UVRAG: variants seen among roughly 807,000 people sequenced by gnomAD.
UVRAG encodes the protein UV radiation resistance-associated gene protein.
UVRAG carries 19 observed loss-of-function variants against 78.0 expected under a neutral mutation model. That is an observed-to-expected ratio of 0.24 (90% CI 0.17 to 0.36). UVRAG has a LOEUF of 0.36. Among genes scored for constraint, UVRAG ranks in the 10% least tolerant of loss-of-function variants. The pLI is 1.00. For synonymous variants in UVRAG, 323 were observed against 324.6 expected (o/e 1.00, Z 0.05); for missense variants, 740 against 853.8 (o/e 0.87, Z 1.66).
intron 10 of UVRAG, among the ~76,000 whole-genome samples, chr11:76,008,283 G>A (rs1446407882): frequency 2.0e-5 from 3 of 152,138 alleles, no homozygotes; most frequent in East Asian, 3.8e-4. Context: ...TAATTTTCAT[G>A]TATTAGTGTT....
intron 6 of UVRAG, among the ~76,000 whole-genome samples, chr11:75,932,002 G>A (rs918107385): frequency 1.3e-5 from 2 of 151,820 alleles, no homozygotes; most frequent in African/African-American, 4.9e-5. Context: ...AAGAATCAAG[G>A]TCCAGTGGTC....
intron 14 of UVRAG, among the ~76,000 whole-genome samples, chr11:76,124,016 G>A (rs568512504): frequency 1.3e-4 from 19 of 151,694 alleles, no homozygotes; most frequent in African/African-American, 3.9e-4. Flanking sequence ...CACCCGCCTC[G>A]GCCTCCCAAA....
rs958653979 is a variant in UVRAG, at chr11:75,815,260, A to G, written c.-148A>G. The stretch of plus-strand genomic sequence containing the variant: ...CGGCGGCAACGGCGGCAGCGGCGGC[A>G]GCGGCGGCGGCTACTGTCTGGGCTG... On this transcript the variant is annotated 5_prime_UTR_variant, in exon 1 of 15. Transcript: ENST00000356136. The G allele has an allele frequency of 6.4e-6, 3 of 466,698 alleles. No homozygotes were observed. Among genetic ancestry groups the G allele is most frequent in the African/African-American group, 2.0e-5 (1 of 48,998 alleles). 28.9% of individuals were successfully genotyped at this position (466,698 alleles called of 1,614,324 possible). A position where few individuals can be genotyped will look rare whatever the true frequency, so the allele number is the denominator to read the frequency against.
intron 8 of UVRAG, among the ~76,000 whole-genome samples, chr11:75,994,829 GAGGTGTT>G (rs1949674352): frequency 6.6e-6 from 1 of 152,190 alleles, no homozygotes; most frequent in African/African-American, 2.4e-5. Context: ...TTTGGCCTGT[GAGGTGTT>G]AGCTAGAGAA....
intron 6 of UVRAG, among the ~76,000 whole-genome samples, chr11:75,946,837 G>T (rs553685103): frequency 6.6e-6 from 1 of 152,144 alleles, no homozygotes; most frequent in Non-Finnish European, 1.5e-5. Context: ...CAGACCTACC[G>T]TCTGTATTAG....
rs1952080605 is a variant in UVRAG, at chr11:76,112,083, C to T, written c.1306-3841C>T. 2.6e-5 allele frequency among the ~76,000 whole-genome samples: 4 copies of T among 151,432 alleles called. No homozygotes were observed. The South Asian group carries it at 8.4e-4, about 32-fold the overall frequency. On this transcript the variant is annotated intron_variant, in intron 13 of 14. Transcript: ENST00000356136. ...TGAAAGGATGTACTAAGTGCTTGGC[C>T]CAGGGAATGAAAACAGACTGAAAAT...
intron 14 of UVRAG, chr11:76,137,579 T>C (rs1736593434): frequency 2.5e-6 from 1 of 402,652 alleles, no homozygotes; most frequent in East Asian, 7.1e-5. Context: ...TCTCCAAAAA[T>C]AACTAATTTC....
chr11:76,080,011 A>G (rs541228457), intron 13 of UVRAG, among the ~76,000 whole-genome samples: 17 of 152,284 alleles, frequency 1.1e-4, no homozygotes, highest in South Asian at 4.1e-4. Flanking sequence ...TCAAGCAAGC[A>G]TCAACCCATG....
At chr11:75,838,630 G>T (rs1945839181) in intron 1 of UVRAG, among the ~76,000 whole-genome samples, 1 of 152,184 alleles carries the variant, frequency 6.6e-6, no homozygotes, top group Non-Finnish European at 1.5e-5. Flanking sequence ...TGGGATTACA[G>T]GTATGGGCCA....
chr11:76,124,453 G>T (rs1299112126), intron 14 of UVRAG, among the ~76,000 whole-genome samples: 1 of 152,116 alleles, frequency 6.6e-6, no homozygotes, highest in Non-Finnish European at 1.5e-5. Context: ...TACAACCTGA[G>T]GCCCATCATT....
chr11:75,966,249 T>G (rs1284604301), intron 7 of UVRAG, among the ~76,000 whole-genome samples: 1 of 152,144 alleles, frequency 6.6e-6, no homozygotes, highest in Non-Finnish European at 1.5e-5. Flanking sequence ...GTTGGATTTA[T>G]TCTTATAAAT....
chr11:75,978,527 T>C (rs905152626), intron 7 of UVRAG, among the ~76,000 whole-genome samples: 3 of 152,236 alleles, frequency 2.0e-5, no homozygotes, highest in Non-Finnish European at 2.9e-5. Context: ...GATTTGGTCT[T>C]TTCACATAGT....
chr11:75,968,229 G>A (rs1232674252), intron 7 of UVRAG, among the ~76,000 whole-genome samples: 1 of 152,102 alleles, frequency 6.6e-6, no homozygotes, highest in Non-Finnish European at 1.5e-5. Flanking sequence ...TTTTGGCAGA[G>A]ACTCATAAAT....
chr11:75,988,801 C>T (rs1949548206), intron 8 of UVRAG, among the ~76,000 whole-genome samples: 1 of 152,106 alleles, frequency 6.6e-6, no homozygotes. Flanking sequence ...ATTTGTATTT[C>T]CCTGATAACT....
intron 1 of UVRAG, among the ~76,000 whole-genome samples, chr11:75,826,067 C>T (rs534860137): frequency 1.1e-4 from 17 of 152,126 alleles, no homozygotes; most frequent in African/African-American, 4.1e-4. Flanking sequence ...GAACTCCTGA[C>T]CTTAGGTGAT....
Position 76,027,066 on chromosome 11 carries a change from A to C in UVRAG, c.1226+10086A>C, listed in dbSNP as rs139134987. On this transcript the variant is annotated intron_variant, in intron 12 of 14. Coordinates refer to ENST00000356136, the MANE Select transcript of UVRAG (RefSeq NM_003369.4). ...ATCTGATTGAACCCTTCATTTCACA[A>C]ATGGAGAAACAGGTTGAAAGATGAA... Among the ~76,000 whole-genome samples the C allele has an allele frequency of 7.2e-3, 1,091 of 152,212 alleles. 13 individuals are homozygous for C. The highest frequency in any genetic ancestry group is 0.025 in the African/African-American group (1,036 of 41,540).
intron 13 of UVRAG, among the ~76,000 whole-genome samples, chr11:76,099,484 G>C (rs1045421708): frequency 6.6e-6 from 1 of 152,044 alleles, no homozygotes; most frequent in African/African-American, 2.4e-5. Context: ...CTAAACTTTG[G>C]AATAAGTGTT....
chr11:75,914,283 C>G (rs1947803182), intron 6 of UVRAG: 1 of 152,216 alleles, frequency 6.6e-6, no homozygotes, highest in African/African-American at 2.4e-5. Flanking sequence ...TTGAATTAAA[C>G]TCTAGTTCGT....
chr11:75,840,047 T>A lies in UVRAG; in HGVS notation c.118-11836T>A, dbSNP rs193001431. On this transcript the variant is annotated intron_variant, in intron 1 of 14. Coordinates refer to ENST00000356136, the MANE Select transcript of UVRAG (RefSeq NM_003369.4). ...ATCACAGGCATGCTATTACTCAACATCTGGACCTCTGTCAGCTATTTTCTG... is the reference window on the plus strand; with the variant it reads ...ATCACAGGCATGCTATTACTCAACAACTGGACCTCTGTCAGCTATTTTCTG... 1.4e-3 allele frequency among the ~76,000 whole-genome samples: 213 copies of A among 152,282 alleles called. 3 individuals are homozygous for A. The highest frequency in any genetic ancestry group is 4.8e-3 in the African/African-American group (198 of 41,548).
Sources: gnomAD v4.1 joint callset for allele counts (sites outside exome capture counted in the v4.1 genomes callset) on GRCh38, gnomAD v4.1.1 for gene constraint, MANE v1.5 for transcripts, NCBI Gene and HGNC (gene_info 2026-07-23, HGNC 2026-07-21) for gene names.